Variants in CHRM2 observed in about 807,000 individuals in gnomAD.
CHRM2 encodes the protein cholinergic receptor muscarinic 2, also known as muscarinic acetylcholine receptor M2.
CHRM2 carries 8 observed loss-of-function variants against 25.0 expected under a neutral mutation model. That is an observed-to-expected ratio of 0.32 (90% CI 0.19 to 0.58). The LOEUF is 0.58. Among genes scored for constraint, CHRM2 ranks in the 20% least tolerant of loss-of-function variants. The pLI is 0.88. For missense variants in CHRM2, 440 were observed against 567.1 expected (o/e 0.78, Z 2.28); for synonymous variants, 202 against 205.7 (o/e 0.98, Z 0.15).
At chr7:136,960,042 G>A (rs1202417141) in intron 2 of CHRM2, among the ~76,000 whole-genome samples, 1 of 152,320 alleles carries the variant, frequency 6.6e-6, no homozygotes, top group East Asian at 1.9e-4. Flanking sequence ...GGGTGAGGGA[G>A]AACGGAGAGC....
At chr7:136,945,420 G>T (rs569279562) in intron 2 of CHRM2, among the ~76,000 whole-genome samples, 1 of 152,006 alleles carries the variant, frequency 6.6e-6, no homozygotes, top group African/African-American at 2.4e-5. Context: ...GGTGAGAGAT[G>T]AGGATCCAGT....
intron 2 of CHRM2, among the ~76,000 whole-genome samples, chr7:136,952,033 C>T (rs915141895): frequency 6.6e-5 from 10 of 152,128 alleles, no homozygotes; most frequent in African/African-American, 2.4e-4. Flanking sequence ...TCGCCCTAGA[C>T]CCTCAAATGC....
At chr7:136,975,157 A>C (rs773594179) in intron 2 of CHRM2, among the ~76,000 whole-genome samples, 2 of 152,208 alleles carry the variant, frequency 1.3e-5, no homozygotes, top group African/African-American at 4.8e-5. Context: ...CTTTGCAGAA[A>C]GTGTCAGGAT....
chr7:136,919,530 C>T (rs1798306389), intron 2 of CHRM2, among the ~76,000 whole-genome samples: 1 of 152,062 alleles, frequency 6.6e-6, no homozygotes, highest in Admixed American at 6.6e-5. Flanking sequence ...TCTTCAATAA[C>T]CTCTGTTACC....
intron 3 of CHRM2, among the ~76,000 whole-genome samples, chr7:137,012,921 C>G (rs1037156727): frequency 6.6e-6 from 1 of 151,926 alleles, no homozygotes; most frequent in Non-Finnish European, 1.5e-5. Flanking sequence ...CAAAAGTATT[C>G]AACACTACCA....
intron 2 of CHRM2, among the ~76,000 whole-genome samples, chr7:136,967,142 C>A (rs576356390): frequency 1.2e-3 from 185 of 152,048 alleles, no homozygotes; most frequent in African/African-American, 3.8e-3. Flanking sequence ...TGCAACTAGC[C>A]ATCTGATAAT....
At chr7:136,995,369 A>G (rs1289877177) in intron 3 of CHRM2, among the ~76,000 whole-genome samples, 1 of 152,190 alleles carries the variant, frequency 6.6e-6, no homozygotes, top group Non-Finnish European at 1.5e-5. Flanking sequence ...ACAACACATC[A>G]GAAAGGGACA....
chr7:136,878,130 A>G (rs1796118690), intron 2 of CHRM2, among the ~76,000 whole-genome samples: 1 of 151,996 alleles, frequency 6.6e-6, no homozygotes, highest in Non-Finnish European at 1.5e-5. Flanking sequence ...CAGCATGAAA[A>G]TAGAAAGTGA....
At chr7:136,958,776 A>G (rs1349055497) in intron 2 of CHRM2, among the ~76,000 whole-genome samples, 1 of 152,158 alleles carries the variant, frequency 6.6e-6, no homozygotes, top group Non-Finnish European at 1.5e-5. Context: ...TGTTGAGAGT[A>G]AGAATGGGTA....
At chr7:136,897,777 G>A (rs549079663) in intron 2 of CHRM2, among the ~76,000 whole-genome samples, 34 of 150,526 alleles carry the variant, frequency 2.3e-4, no homozygotes, top group Admixed American at 7.3e-4. Context: ...CTTCATTTTC[G>A]CTTTTGTGTA....
At chr7:136,996,610 G>A (rs1351057757) in intron 3 of CHRM2, among the ~76,000 whole-genome samples, 1 of 152,054 alleles carries the variant, frequency 6.6e-6, no homozygotes, top group Non-Finnish European at 1.5e-5. Context: ...AAAAAATCAT[G>A]TACAAGGAAG....
At chr7:136,909,798 C>T (rs1682406830) in intron 2 of CHRM2, among the ~76,000 whole-genome samples, 1 of 151,860 alleles carries the variant, frequency 6.6e-6, no homozygotes, top group Admixed American at 6.6e-5. Context: ...ATAACTAACA[C>T]AAATTTATAT....
intron 2 of CHRM2, among the ~76,000 whole-genome samples, chr7:136,979,855 G>A (rs180886651): frequency 6.6e-6 from 1 of 152,260 alleles, no homozygotes; most frequent in East Asian, 1.9e-4. Context: ...TGGCCTTGTA[G>A]TATAGTTTGA....
intron 2 of CHRM2, among the ~76,000 whole-genome samples, chr7:136,918,396 TAA>T (rs2130721086): frequency 6.6e-6 from 1 of 152,134 alleles, no homozygotes; most frequent in South Asian, 2.1e-4. Context: ...TAAAGAGCAG[TAA>T]AAAGTTAGGT....
chr7:137,006,839 T>C (rs1804467512), intron 3 of CHRM2, among the ~76,000 whole-genome samples: 1 of 152,154 alleles, frequency 6.6e-6, no homozygotes, highest in East Asian at 1.9e-4. Flanking sequence ...GGACAACTTA[T>C]ACATCCCTCT....
intron 2 of CHRM2, among the ~76,000 whole-genome samples, chr7:136,920,070 A>G (rs575372520): frequency 1.3e-5 from 2 of 151,966 alleles, no homozygotes; most frequent in East Asian, 1.9e-4. Context: ...TGACATTTCA[A>G]TCTTATATGG....
chr7:136,965,388 T>C (rs1801348290), intron 2 of CHRM2, among the ~76,000 whole-genome samples: 1 of 152,158 alleles, frequency 6.6e-6, no homozygotes. Flanking sequence ...ATTGCTATTA[T>C]GGATTTATTT....
At chr7:136,979,396 G>C (rs1214937668) in intron 2 of CHRM2, among the ~76,000 whole-genome samples, 1 of 152,176 alleles carries the variant, frequency 6.6e-6, no homozygotes, top group Non-Finnish European at 1.5e-5. Flanking sequence ...TCTGTAGGTT[G>C]CCTGTTCACT....
chr7:136,895,175 T>C (rs1796844748), intron 2 of CHRM2, among the ~76,000 whole-genome samples: 1 of 152,204 alleles, frequency 6.6e-6, no homozygotes, highest in South Asian at 2.1e-4. Context: ...ATAATATTAG[T>C]CTTTCTTTAA....
Sources: gnomAD v4.1 joint callset for allele counts (sites outside exome capture counted in the v4.1 genomes callset) on GRCh38, gnomAD v4.1.1 for gene constraint, MANE v1.5 for transcripts, NCBI Gene and HGNC (gene_info 2026-07-23, HGNC 2026-07-21) for gene names.